Variants in DPP10 observed in about 807,000 individuals in gnomAD.
DPP10 encodes inactive dipeptidyl peptidase 10.
DPP10 carries 33 observed loss-of-function variants against 120.9 expected under a neutral mutation model. The observed-to-expected ratio is 0.27, with a 90% CI of 0.21 to 0.37. The LOEUF (loss-of-function observed/expected upper bound fraction) is 0.37, where lower values mean the gene tolerates loss of function less well. Among genes scored for constraint, DPP10 ranks in the 10% least tolerant of loss-of-function variants. The pLI, the probability that DPP10 is intolerant of heterozygous loss-of-function variation, is 1.00. For synonymous variants in DPP10, 337 were observed against 326.1 expected (o/e 1.03, Z -0.36); for missense variants, 816 against 942.8 (o/e 0.87, Z 1.76).
intron 1 of DPP10, among the ~76,000 whole-genome samples, chr2:115,092,598 A>G (rs1464170311): frequency 6.6e-6 from 1 of 152,142 alleles, no homozygotes; most frequent in African/African-American, 2.4e-5. Flanking sequence ...ATATATATGA[A>G]AAGAGGGGAC....
chr2:115,270,980 T>C (rs1157163434), intron 1 of DPP10, among the ~76,000 whole-genome samples: 1 of 152,188 alleles, frequency 6.6e-6, no homozygotes, highest in Admixed American at 6.5e-5. Context: ...CTAAGAAATG[T>C]CAAAATTAAT....
chr2:115,573,149 A>G (rs1482266955), intron 5 of DPP10, among the ~76,000 whole-genome samples: 4 of 152,190 alleles, frequency 2.6e-5, no homozygotes, highest in African/African-American at 9.7e-5. Flanking sequence ...AGTAGGAAAT[A>G]GAACAGTCAG....
intron 3 of DPP10, among the ~76,000 whole-genome samples, chr2:115,445,016 C>G (rs1315649185): frequency 6.6e-6 from 1 of 152,154 alleles, no homozygotes; most frequent in Admixed American, 6.5e-5. Flanking sequence ...GAAATTCCCC[C>G]ATGCTGTTCT....
intron 1 of DPP10, among the ~76,000 whole-genome samples, chr2:114,864,001 A>T (rs1209620445): frequency 6.6e-6 from 1 of 152,170 alleles, no homozygotes; most frequent in Non-Finnish European, 1.5e-5. Context: ...TGTTTAGGGG[A>T]TATTGTATTT....
intron 19 of DPP10, among the ~76,000 whole-genome samples, chr2:115,797,251 A>T (rs1367516288): frequency 1.3e-5 from 2 of 152,008 alleles, no homozygotes; most frequent in Admixed American, 1.3e-4. Flanking sequence ...TTCTCATCAA[A>T]ATGTTCACTT....
intron 1 of DPP10, among the ~76,000 whole-genome samples, chr2:115,244,118 A>G (rs1179836662): frequency 1.3e-5 from 2 of 150,926 alleles, no homozygotes; most frequent in African/African-American, 2.4e-5. Flanking sequence ...TTCATTTGAA[A>G]TTAAAAAAAA....
chr2:114,662,680 A>G lies in DPP10; in HGVS notation c.60+219842A>G, dbSNP rs1263471737. 4.6e-5 allele frequency among the ~76,000 whole-genome samples: 7 copies of G among 152,180 alleles called. No individual in the cohort carries two copies. The South Asian group carries it at 6.2e-4, about 14-fold the overall frequency. ...GAGCTCCAGAAAGAACGTGACCACA[A>G]CGCGCAGAAACCAAGCTGTGAGGCC... On this transcript the variant is annotated intron_variant, in intron 1 of 25. Transcript: ENST00000410059.
At chr2:114,763,619 TAAGTTCC>T (rs1427287724) in intron 1 of DPP10, among the ~76,000 whole-genome samples, 3 of 152,152 alleles carry the variant, frequency 2.0e-5, no homozygotes, top group Admixed American at 2.0e-4. Context: ...TATATGATAA[TAAGTTCC>T]AATTGGAAAG....
chr2:115,378,408 C>G (rs1402657935), intron 3 of DPP10, among the ~76,000 whole-genome samples: 1 of 151,214 alleles, frequency 6.6e-6, no homozygotes, highest in Non-Finnish European at 1.5e-5. Flanking sequence ...GATTTTGTGT[C>G]CTGAGACTTT....
rs76552667 is a variant in DPP10, at chr2:114,984,555, G to A, written c.61-324684G>A. 7.8e-4 allele frequency among the ~76,000 whole-genome samples: 118 copies of A among 152,200 alleles called. 1 individual carries two copies. The East Asian group carries it at 0.022, about 29-fold the overall frequency. On this transcript the variant is annotated intron_variant, in intron 1 of 25. Coordinates refer to ENST00000410059, the MANE Select transcript of DPP10 (RefSeq NM_020868.6). ...ACCTGTGGCCCCAGCTACTTAGGAGGCTGACACAGAAGGATGGCTTTAGGC... is the reference window on the plus strand; with the variant it reads ...ACCTGTGGCCCCAGCTACTTAGGAGACTGACACAGAAGGATGGCTTTAGGC...
At chr2:115,355,539 G>A (rs2064319111) in intron 3 of DPP10, among the ~76,000 whole-genome samples, 1 of 152,070 alleles carries the variant, frequency 6.6e-6, no homozygotes, top group African/African-American at 2.4e-5. Context: ...TTCTTTTGCT[G>A]TGCAGATTCT....
At chr2:114,927,905 G>A (rs1695756892) in intron 1 of DPP10, among the ~76,000 whole-genome samples, 1 of 152,118 alleles carries the variant, frequency 6.6e-6, no homozygotes, top group Non-Finnish European at 1.5e-5. Context: ...AAGGCAAGTA[G>A]GGGGAGTAGG....
chr2:115,235,008 TA>T (rs1244161183), intron 1 of DPP10, among the ~76,000 whole-genome samples: 1 of 152,222 alleles, frequency 6.6e-6, no homozygotes, highest in Non-Finnish European at 1.5e-5. Flanking sequence ...TAGACTCTAT[TA>T]ACTTTTATCC....
At chr2:114,996,800 A>G (rs1272029867) in intron 1 of DPP10, among the ~76,000 whole-genome samples, 2 of 151,692 alleles carry the variant, frequency 1.3e-5, no homozygotes, top group Non-Finnish European at 2.9e-5. Flanking sequence ...TGGCTAACAC[A>G]GTGAAACTCC....
chr2:115,817,606 C>T (rs955787601), intron 21 of DPP10, among the ~76,000 whole-genome samples: 5 of 152,050 alleles, frequency 3.3e-5, no homozygotes, highest in Non-Finnish European at 4.4e-5. Flanking sequence ...ATTTTGTGAG[C>T]ATTGCTCCTC....
intron 3 of DPP10, among the ~76,000 whole-genome samples, chr2:115,406,922 T>C (rs992388578): frequency 1.3e-5 from 2 of 152,174 alleles, no homozygotes; most frequent in African/African-American, 4.8e-5. Context: ...AAAAATACTA[T>C]TGTTGTAGAA....
chr2:114,573,409 C>T (rs1034063844), intron 1 of DPP10, among the ~76,000 whole-genome samples: 1 of 151,982 alleles, frequency 6.6e-6, no homozygotes, highest in African/African-American at 2.4e-5. Flanking sequence ...GAGAAAGCAC[C>T]GATAGTTCCA....
In DPP10 at chr2:115,657,408, C is replaced by A. The variant is rs2088471421; in HGVS notation, c.442-32279C>A. On this transcript the variant is annotated intron_variant, in intron 5 of 25. Transcript: ENST00000410059. ...CTCTGCAATCGACAAAAATACATTT[C>A]TTTTAATTTATGAAACAGAAAATAT... 2.0e-5 allele frequency among the ~76,000 whole-genome samples: 3 copies of A among 151,870 alleles called. No homozygotes were observed. In the Middle Eastern group the frequency reaches 0.01, roughly 517 times the overall value.
intron 1 of DPP10, among the ~76,000 whole-genome samples, chr2:114,869,845 C>A (rs1484687366): frequency 2.0e-5 from 3 of 152,166 alleles, no homozygotes; most frequent in Non-Finnish European, 4.4e-5. Flanking sequence ...GCCTCCAGAA[C>A]CTGAACGCAT....
Sources: allele counts gnomAD v4.1 joint callset (sites outside exome capture counted in the v4.1 genomes callset), GRCh38; gene constraint gnomAD v4.1.1; transcripts MANE v1.5; gene names NCBI Gene and HGNC (gene_info 2026-07-23, HGNC 2026-07-21).